Variants in SP4 observed in about 807,000 individuals in gnomAD.
SP4 encodes transcription factor Sp4.
SP4 carries 19 observed loss-of-function variants against 72.8 expected under a neutral mutation model. The observed-to-expected ratio is 0.26, with a 90% CI of 0.18 to 0.38. The LOEUF (loss-of-function observed/expected upper bound fraction) is 0.38, where lower values mean the gene tolerates loss of function less well. Among genes scored for constraint, SP4 ranks in the 10% least tolerant of loss-of-function variants. The pLI is 1.00. For missense variants in SP4, 1,008 were observed against 926.3 expected (o/e 1.09, Z -1.14); for synonymous variants, 395 against 333.1 (o/e 1.19, Z -2.02).
At chr7:21,445,684 G>A (rs557700014) in intron 3 of SP4, among the ~76,000 whole-genome samples, 1 of 152,102 alleles carries the variant, frequency 6.6e-6, no homozygotes, top group East Asian at 1.9e-4. Flanking sequence ...ATTTGCCTAA[G>A]GTTACAGAAT....
chr7:21,478,172 A>T (rs549292247), intron 4 of SP4, among the ~76,000 whole-genome samples: 1 of 152,202 alleles, frequency 6.6e-6, no homozygotes, highest in Non-Finnish European at 1.5e-5. Flanking sequence ...TCAAGGTTCA[A>T]CCATATTACA....
At chr7:21,484,768 T>C (rs1003656703) in intron 5 of SP4, among the ~76,000 whole-genome samples, 1 of 151,912 alleles carries the variant, frequency 6.6e-6, no homozygotes, top group Non-Finnish European at 1.5e-5. Context: ...CACATTATGA[T>C]TGCTTCATTT....
intron 5 of SP4, among the ~76,000 whole-genome samples, chr7:21,487,629 G>GT (rs973502145): frequency 1.3e-5 from 2 of 151,816 alleles, no homozygotes; most frequent in East Asian, 1.9e-4. Flanking sequence ...AATTATCTCA[G>GT]TTTTTTAATC....
At chr7:21,488,429 A>G (rs1255213711) in intron 5 of SP4, among the ~76,000 whole-genome samples, 2 of 148,100 alleles carry the variant, frequency 1.4e-5, no homozygotes, top group Middle Eastern at 3.6e-3. Flanking sequence ...TTTATTTTCT[A>G]GTTTGCAGAC....
At chr7:21,502,261 G>C (rs1332743405) in intron 5 of SP4, among the ~76,000 whole-genome samples, 3 of 152,132 alleles carry the variant, frequency 2.0e-5, no homozygotes. Context: ...ATCAGCCGTG[G>C]TGTATGGAGA....
chr7:21,444,348 T>A (rs1306271453), intron 3 of SP4, among the ~76,000 whole-genome samples: 12 of 152,238 alleles, frequency 7.9e-5, no homozygotes, highest in Admixed American at 7.9e-4. Context: ...TGGCTGACAT[T>A]TACTGCACGT....
rs1318734372 is a variant in SP4 at position 21,428,731 on chromosome 7, A to G, written c.62A>G (p.Glu21Gly). 12 of 1,554,130 alleles carry G rather than the reference A, an allele frequency of 7.7e-6. No individual in the cohort carries two copies. Among genetic ancestry groups the G allele is most frequent in the African/African-American group, 1.4e-5 (1 of 73,070 alleles). ...EAAAAAAMAT[E>G]GGKTSEPENN... ...GCAGCGGCAGCGGCGATGGCTACAG[A>G]AGGAGGGAAAACCTCTGAGCCAGAG... The change falls in exon 2 of 6, where the codon GAA (glutamate) becomes GGA (glycine). Residue 21 changes from glutamate to glycine, a missense_variant. Around this residue, in one of 3 missense-constraint regions of SP4, gnomAD observed 893 missense variants for 743.3 expected, o/e 1.20. Transcript: ENST00000222584.
chr7:21,500,669 C>G (rs1040727690), intron 5 of SP4, among the ~76,000 whole-genome samples: 8 of 152,220 alleles, frequency 5.3e-5, no homozygotes, highest in Admixed American at 4.6e-4. Context: ...CACACTCCTT[C>G]TCATACTGTC....
intron 3 of SP4, among the ~76,000 whole-genome samples, chr7:21,439,044 C>A (rs1356461190): frequency 1.3e-5 from 2 of 152,038 alleles, no homozygotes; most frequent in South Asian, 2.1e-4. Context: ...TATGAAAAAA[C>A]AATATGTATA....
rs1185908070 is a variant in SP4 at position 21,441,732 on chromosome 7, A to AAT, written c.1678+10893_1678+10894dup. 5.3e-5 allele frequency among the ~76,000 whole-genome samples: 8 copies of AAT among 152,168 alleles called. 1 individual carries two copies. The South Asian group carries it at 6.2e-4, about 12-fold the overall frequency. ...GTGGTAGTGAAGTAAATGGTTACTA[A>AAT]ATATAAAAAACAGCTTGTTGAACTT... On this transcript the variant is annotated intron_variant, in intron 3 of 5. Coordinates refer to ENST00000222584, the MANE Select transcript of SP4 (RefSeq NM_003112.5).
intron 3 of SP4, among the ~76,000 whole-genome samples, chr7:21,449,884 G>T (rs1024709592): frequency 1.3e-5 from 2 of 152,124 alleles, no homozygotes; most frequent in Admixed American, 1.3e-4. Flanking sequence ...TTTCTCAAGG[G>T]AATAAGGTAT....
At chr7:21,498,649 A>G (rs1310396724) in intron 5 of SP4, among the ~76,000 whole-genome samples, 1 of 152,182 alleles carries the variant, frequency 6.6e-6, no homozygotes, top group Non-Finnish European at 1.5e-5. Flanking sequence ...GCATTTGAAA[A>G]TTTGCGTGTA....
At chr7:21,489,037 C>T (rs112772005) in intron 5 of SP4, among the ~76,000 whole-genome samples, 1,778 of 152,114 alleles carry the variant, frequency 0.012, 30 homozygotes, top group Non-Finnish European at 0.014. Context: ...TCTTTTTCAC[C>T]AGCTAAGAAA....
chr7:21,452,895 G>A (rs1783643945), intron 3 of SP4, among the ~76,000 whole-genome samples: 1 of 151,160 alleles, frequency 6.6e-6, no homozygotes, highest in Non-Finnish European at 1.5e-5. Flanking sequence ...CGATTCTCCT[G>A]CCTCAGCCTC....
At chr7:21,499,946 A>G (rs1335445316) in intron 5 of SP4, among the ~76,000 whole-genome samples, 1 of 152,182 alleles carries the variant, frequency 6.6e-6, no homozygotes, top group Non-Finnish European at 1.5e-5. Context: ...GGTTTATTCC[A>G]CTCATCCATT....
chr7:21,489,528 C>T (rs558352102), intron 5 of SP4, among the ~76,000 whole-genome samples: 306 of 149,982 alleles, frequency 2.0e-3, no homozygotes, highest in African/African-American at 7.1e-3. Context: ...GCTATGTTGC[C>T]CAGGCTGGTC....
rs10279096 is a variant in SP4 at position 21,454,127 on chromosome 7, A to G, written c.1679-22952A>G. Among the ~76,000 whole-genome samples the G allele has an allele frequency of 7.6e-3, 1,157 of 152,324 alleles. 22 individuals are homozygous for G. The highest frequency in any genetic ancestry group is 0.026 in the African/African-American group (1,070 of 41,562). ...ACCTGGTAAGTAAGAAATTCTAATT[A>G]TGTACTAGGTGTGGAGCCTAGGACA... On this transcript the variant is annotated intron_variant, in intron 3 of 5. Transcript: ENST00000222584.
chr7:21,484,289 A>G (rs1483312594), intron 5 of SP4, among the ~76,000 whole-genome samples: 3 of 151,904 alleles, frequency 2.0e-5, no homozygotes, highest in Non-Finnish European at 4.4e-5. Context: ...TTTCATATAT[A>G]CCTTATACAT....
intron 3 of SP4, among the ~76,000 whole-genome samples, chr7:21,463,491 A>C (rs931641109): frequency 6.6e-6 from 1 of 152,230 alleles, no homozygotes; most frequent in African/African-American, 2.4e-5. Context: ...CAGGTGTGGC[A>C]GAAGTTCAGC....
Sources: allele counts gnomAD v4.1 joint callset (sites outside exome capture counted in the v4.1 genomes callset), GRCh38; gene constraint gnomAD v4.1.1; regional missense constraint gnomAD v4.1.1; transcripts MANE v1.5; gene names NCBI Gene and HGNC (gene_info 2026-07-23, HGNC 2026-07-21).